ARHGAP15: variants seen among roughly 807,000 people sequenced by gnomAD.
The protein encoded by ARHGAP15 is Rho GTPase activating protein 15.
In ARHGAP15, 51 loss-of-function variants were observed where a neutral mutation model predicts 63.7. The observed-to-expected ratio is 0.80, with a 90% CI of 0.64 to 1.01. The LOEUF (loss-of-function observed/expected upper bound fraction) is 1.01, where lower values mean the gene tolerates loss of function less well. Among genes scored for constraint, ARHGAP15 ranks in the 50% least tolerant of loss-of-function variants. ARHGAP15 has a pLI of 0.00. For synonymous variants in ARHGAP15, 191 were observed against 193.8 expected (o/e 0.99, Z 0.12); for missense variants, 560 against 564.6 (o/e 0.99, Z 0.08).
chr2:143,189,742 G>A (rs535193336), intron 2 of ARHGAP15, among the ~76,000 whole-genome samples: 48 of 152,104 alleles, frequency 3.2e-4, no homozygotes, highest in African/African-American at 7.2e-4. Context: ...GATTACAGGC[G>A]TGAGCCACCG....
At chr2:143,140,219 G>A (rs115654362) in intron 1 of ARHGAP15, among the ~76,000 whole-genome samples, 2 of 152,072 alleles carry the variant, frequency 1.3e-5, no homozygotes, top group African/African-American at 2.4e-5. Context: ...TCTCAATACA[G>A]CTGTGTGGGG....
chr2:143,282,401 A>T (rs1681894625), intron 6 of ARHGAP15, among the ~76,000 whole-genome samples: 1 of 152,106 alleles, frequency 6.6e-6, no homozygotes, highest in African/African-American at 2.4e-5. Context: ...ACGGCTGGGG[A>T]GGCCTCACAA....
intron 3 of ARHGAP15, among the ~76,000 whole-genome samples, chr2:143,212,985 A>T (rs912745070): frequency 5.9e-5 from 9 of 152,158 alleles, no homozygotes; most frequent in African/African-American, 1.9e-4. Flanking sequence ...AGGCTAAAAG[A>T]TGGCCTGAGT....
intron 2 of ARHGAP15, among the ~76,000 whole-genome samples, chr2:143,188,613 C>CATTATTATTATT (rs143767405): frequency 9.9e-5 from 14 of 140,834 alleles, no homozygotes; most frequent in African/African-American, 1.3e-4. Context: ...ATTATTTTGT[C>CATTATTATTATT]ATTATTATTA....
chr2:143,624,959 T>C (rs1344156901), intron 12 of ARHGAP15, among the ~76,000 whole-genome samples: 1 of 152,070 alleles, frequency 6.6e-6, no homozygotes, highest in African/African-American at 2.4e-5. Flanking sequence ...AATAAATGAA[T>C]GAATGAATCA....
At position 143,474,664 on chromosome 2, in the gene ARHGAP15, C is replaced by T. The variant is rs138162265; in HGVS notation, c.704-12709C>T. 1.1e-4 allele frequency among the ~76,000 whole-genome samples: 17 copies of T among 152,278 alleles called. No homozygotes were observed. In the East Asian group the frequency reaches 2.5e-3, roughly 22 times the overall value. On this transcript the variant is annotated intron_variant, in intron 8 of 13. Coordinates refer to ENST00000295095, the MANE Select transcript of ARHGAP15 (RefSeq NM_018460.4). Reference sequence around the variant, plus strand: ...TGGATTGAACCTTTATTTCTTACTACGTGGCCTTAACCAAATGATTTAAAC... The same window carrying T: ...TGGATTGAACCTTTATTTCTTACTATGTGGCCTTAACCAAATGATTTAAAC...
chr2:143,159,935 T>C (rs1349716601), intron 2 of ARHGAP15, among the ~76,000 whole-genome samples: 5 of 151,942 alleles, frequency 3.3e-5, no homozygotes, highest in African/African-American at 1.2e-4. Flanking sequence ...TCCTATTTAG[T>C]GTAAGATGTG....
intron 3 of ARHGAP15, among the ~76,000 whole-genome samples, chr2:143,214,323 A>G (rs1241472347): frequency 6.6e-6 from 1 of 152,204 alleles, no homozygotes; most frequent in Non-Finnish European, 1.5e-5. Flanking sequence ...AAAATTTCTC[A>G]GTATACATTC....
In ARHGAP15 at chr2:143,606,035, C is replaced by CAAAAAAAAAAAAA. The variant is rs869266541; in HGVS notation, c.1004-18075_1004-18063dup. On this transcript the variant is annotated intron_variant, in intron 11 of 13. Coordinates refer to ENST00000295095, the MANE Select transcript of ARHGAP15 (RefSeq NM_018460.4). ...TGGGCGCCAGAGCAAGACTCTGTCT[C>CAAAAAAAAAAAAA]AAAAAAAAAAAAAAAAAAAAAAAAA... Among the ~76,000 whole-genome samples, 98 of 22,868 alleles carry CAAAAAAAAAAAAA rather than the reference C, an allele frequency of 4.3e-3. 20 individuals are homozygous for CAAAAAAAAAAAAA. Among genetic ancestry groups the CAAAAAAAAAAAAA allele is most frequent in the East Asian group, 0.012 (5 of 434 alleles). The allele number at this position is 22,868 out of a possible 152,430, so 15.0% of individuals were successfully genotyped here.
intron 6 of ARHGAP15, among the ~76,000 whole-genome samples, chr2:143,272,953 C>G (rs1254981478): frequency 6.6e-6 from 1 of 151,902 alleles, no homozygotes; most frequent in African/African-American, 2.4e-5. Flanking sequence ...ATTGTCATCT[C>G]CAAGTTTGAC....
intron 4 of ARHGAP15, among the ~76,000 whole-genome samples, chr2:143,219,913 T>C (rs919977265): frequency 6.6e-6 from 1 of 152,390 alleles, no homozygotes; most frequent in African/African-American, 2.4e-5. Flanking sequence ...TATTCAATAA[T>C]TTGAGGAAAC....
chr2:143,615,074 A>G, intron 11 of ARHGAP15, among the ~76,000 whole-genome samples: 1 of 152,170 alleles, frequency 6.6e-6, no homozygotes, highest in East Asian at 1.9e-4. Context: ...TTTAGTGGTG[A>G]TTGTGGTGAA....
intron 6 of ARHGAP15, among the ~76,000 whole-genome samples, chr2:143,258,321 G>A (rs80317695): frequency 0.017 from 2,572 of 152,060 alleles, 39 homozygotes; most frequent in Non-Finnish European, 0.025. Context: ...TCTGGGCAGC[G>A]GTGAGCAAAG....
intron 8 of ARHGAP15, among the ~76,000 whole-genome samples, chr2:143,483,256 A>G (rs1240032682): frequency 6.6e-6 from 1 of 152,174 alleles, no homozygotes; most frequent in Non-Finnish European, 1.5e-5. Flanking sequence ...TACCTAGGGG[A>G]GTTTCAAAAA....
intron 7 of ARHGAP15, 136 bp downstream of exon 7, chr2:143,435,835 T>C: frequency 1.1e-6 from 1 of 884,490 alleles, no homozygotes; most frequent in South Asian, 2.1e-5. Context: ...TTAGTTTAAA[T>C]AGAATCTACT....
chr2:143,535,424 G>T (rs147790065), intron 10 of ARHGAP15, among the ~76,000 whole-genome samples: 2 of 152,264 alleles, frequency 1.3e-5, no homozygotes, highest in African/African-American at 4.8e-5. Context: ...GACCAGTGAG[G>T]TTTGATGTGA....
rs1295113772 is a variant in ARHGAP15, at chr2:143,293,373, T to A, written c.474+42773T>A. On this transcript the variant is annotated intron_variant, in intron 6 of 13. Transcript: ENST00000295095. ...TCTTAACATGTGTTAACATATTTAG[T>A]CCTCACAACAAAGTGTTCCTGAAAA... 2.6e-5 allele frequency among the ~76,000 whole-genome samples: 4 copies of A among 152,236 alleles called. No homozygotes were observed. The East Asian group carries it at 5.8e-4, about 22-fold the overall frequency.
chr2:143,436,455 T>C (rs1689617121), intron 7 of ARHGAP15, among the ~76,000 whole-genome samples: 1 of 152,188 alleles, frequency 6.6e-6, no homozygotes, highest in South Asian at 2.1e-4. Context: ...GTTATTAGTA[T>C]ATTCCCCTTA....
intron 8 of ARHGAP15, among the ~76,000 whole-genome samples, chr2:143,453,227 C>A (rs760753369): frequency 6.6e-6 from 1 of 151,968 alleles, no homozygotes; most frequent in Non-Finnish European, 1.5e-5. Context: ...GAATTTGAAA[C>A]CAAGCAGTCT....
Sources: allele counts gnomAD v4.1 joint callset (sites outside exome capture counted in the v4.1 genomes callset), GRCh38; gene constraint gnomAD v4.1.1; transcripts MANE v1.5; gene names NCBI Gene and HGNC (gene_info 2026-07-23, HGNC 2026-07-21).